The following EXOC4 variants were observed in gnomAD, a reference collection of about 807,000 sequenced individuals.
EXOC4 encodes the protein SEC8-like 1.
EXOC4 carries 71 observed loss-of-function variants against 107.2 expected under a neutral mutation model. The ratio of observed to expected loss-of-function variants is 0.66; its 90% confidence interval spans 0.55 to 0.81. The LOEUF (loss-of-function observed/expected upper bound fraction) is 0.81, where lower values mean the gene tolerates loss of function less well. Among genes scored for constraint, EXOC4 ranks in the 30% least tolerant of loss-of-function variants. The pLI is 0.00. For synonymous variants in EXOC4, 456 were observed against 441.2 expected (o/e 1.03, Z -0.42); for missense variants, 1,108 against 1,189.6 (o/e 0.93, Z 1.01).
chr7:133,399,609 C>CA (rs1357879849), intron 7 of EXOC4, among the ~76,000 whole-genome samples: 1 of 152,172 alleles, frequency 6.6e-6, no homozygotes, highest in African/African-American at 2.4e-5. Flanking sequence ...ACTGAGTAGT[C>CA]ACAGTAAGAG....
intron 9 of EXOC4, among the ~76,000 whole-genome samples, chr7:133,484,673 T>C (rs1254378236): frequency 2.6e-5 from 4 of 152,136 alleles, no homozygotes; most frequent in Non-Finnish European, 4.4e-5. Flanking sequence ...CTGACTACTT[T>C]AGGGGAATGT....
chr7:133,447,026 T>A (rs1798236664), intron 7 of EXOC4, among the ~76,000 whole-genome samples: 1 of 152,212 alleles, frequency 6.6e-6, no homozygotes, highest in South Asian at 2.1e-4. Flanking sequence ...TCAGGAACAT[T>A]TTGGTTGGTT....
intron 5 of EXOC4, among the ~76,000 whole-genome samples, chr7:133,333,150 T>C (rs1795433155): frequency 2.0e-5 from 3 of 152,360 alleles, no homozygotes; most frequent in East Asian, 1.9e-4. Flanking sequence ...CTGTGTCTTC[T>C]TCATGTATTT....
intron 11 of EXOC4, among the ~76,000 whole-genome samples, chr7:133,819,936 G>A (rs1797471714): frequency 6.6e-6 from 1 of 152,120 alleles, no homozygotes. Context: ...CCATGTGCCT[G>A]TCAGATCACT....
intron 10 of EXOC4, among the ~76,000 whole-genome samples, chr7:133,790,946 A>G (rs1403221166): frequency 6.6e-6 from 1 of 152,270 alleles, no homozygotes; most frequent in Non-Finnish European, 1.5e-5. Context: ...GATGTACATT[A>G]CATCGATTGA....
chr7:133,445,102 G>A (rs564926293), intron 7 of EXOC4, among the ~76,000 whole-genome samples: 11 of 152,102 alleles, frequency 7.2e-5, no homozygotes, highest in South Asian at 6.2e-4. Flanking sequence ...AGTTCCTCCT[G>A]TCATGTACTT....
At chr7:133,841,567 C>T (rs79253998) in intron 11 of EXOC4, among the ~76,000 whole-genome samples, 1,582 of 152,242 alleles carry the variant, frequency 0.01, 28 homozygotes, top group African/African-American at 0.036. Flanking sequence ...TGCCTCCTTC[C>T]TCAGATAGGT....
intron 10 of EXOC4, among the ~76,000 whole-genome samples, chr7:133,672,118 G>T (rs1274305865): frequency 6.6e-6 from 1 of 152,140 alleles, no homozygotes; most frequent in African/African-American, 2.4e-5. Flanking sequence ...CAGGCCAGGC[G>T]TGGTGGCTCA....
chr7:133,373,303 T>G (rs1796416724), intron 6 of EXOC4, among the ~76,000 whole-genome samples: 1 of 152,204 alleles, frequency 6.6e-6, no homozygotes, highest in East Asian at 1.9e-4. Context: ...TATGTGAGTA[T>G]AAATATGAAT....
intron 9 of EXOC4, among the ~76,000 whole-genome samples, chr7:133,531,369 T>G (rs1428070852): frequency 2.0e-5 from 3 of 152,212 alleles, no homozygotes; most frequent in Non-Finnish European, 4.4e-5. Context: ...TTAGTTCTGA[T>G]GTAATAAACC....
At chr7:133,855,123 A>AAATATATG (rs1798340097) in intron 11 of EXOC4, among the ~76,000 whole-genome samples, 20 of 57,010 alleles carry the variant, frequency 3.5e-4, no homozygotes, top group Non-Finnish European at 5.9e-4. Context: ...AAATATATAT[A>AAATATATG]TATAAATATA....
intron 7 of EXOC4, among the ~76,000 whole-genome samples, chr7:133,394,170 C>A (rs1646413669): frequency 6.6e-6 from 1 of 152,204 alleles, no homozygotes; most frequent in Non-Finnish European, 1.5e-5. Flanking sequence ...TAGATAATAT[C>A]ATTTCTATCA....
chr7:133,826,394 T>C (rs975894677), intron 11 of EXOC4, among the ~76,000 whole-genome samples: 2 of 152,166 alleles, frequency 1.3e-5, no homozygotes, highest in African/African-American at 4.8e-5. Context: ...GGGAAATGCA[T>C]ATAAAACATA....
chr7:133,717,684 C>T (rs1013329182), intron 10 of EXOC4, among the ~76,000 whole-genome samples: 1 of 152,144 alleles, frequency 6.6e-6, no homozygotes, highest in Non-Finnish European at 1.5e-5. Context: ...TACACACATA[C>T]ACACACAACA....
At chr7:134,002,811 C>T (rs1009954940) in intron 15 of EXOC4, among the ~76,000 whole-genome samples, 5 of 152,170 alleles carry the variant, frequency 3.3e-5, no homozygotes, top group South Asian at 2.1e-4. Context: ...TTATTTAAAA[C>T]TGACAACACC....
intron 14 of EXOC4, among the ~76,000 whole-genome samples, chr7:133,941,984 A>C (rs1029646863): frequency 2.6e-5 from 4 of 152,070 alleles, no homozygotes; most frequent in Non-Finnish European, 5.9e-5. Context: ...AATTGTTATC[A>C]TTAAGAAAAT....
At chr7:133,646,064 T>A (rs1802984337) in intron 10 of EXOC4, among the ~76,000 whole-genome samples, 2 of 151,990 alleles carry the variant, frequency 1.3e-5, no homozygotes, top group Admixed American at 6.6e-5. Flanking sequence ...ACAGCATACA[T>A]ATCAGAGGAG....
At position 133,261,854 on chromosome 7, in the gene EXOC4, G is replaced by C. The variant is rs376392369; in HGVS notation, c.86+8667G>C. Among the ~76,000 whole-genome samples the C allele has an allele frequency of 2.1e-4, 32 of 152,226 alleles. 1 individual carries two copies. The highest frequency in any genetic ancestry group is 7.7e-4 in the African/African-American group (32 of 41,532). ...CTATTTCCAGCCCTGTGTGAGTTCAGATCATTATTTCCTCTAATCCTTTCA... is the reference window on the plus strand; with the variant it reads ...CTATTTCCAGCCCTGTGTGAGTTCACATCATTATTTCCTCTAATCCTTTCA... On this transcript the variant is annotated intron_variant, in intron 1 of 17. Coordinates refer to ENST00000253861, the MANE Select transcript of EXOC4 (RefSeq NM_021807.4).
chr7:133,548,521 T>A (rs1800526351), intron 9 of EXOC4, among the ~76,000 whole-genome samples: 1 of 152,222 alleles, frequency 6.6e-6, no homozygotes, highest in African/African-American at 2.4e-5. Flanking sequence ...ACTGAAAATC[T>A]GTTATGTAGT....
Sources: gnomAD v4.1 joint callset for allele counts (sites outside exome capture counted in the v4.1 genomes callset) on GRCh38, gnomAD v4.1.1 for gene constraint, MANE v1.5 for transcripts, NCBI Gene and HGNC (gene_info 2026-07-23, HGNC 2026-07-21) for gene names.